Variants in CERS5 observed in about 807,000 individuals in gnomAD.
The protein encoded by CERS5 is LAG1 homolog, ceramide synthase 5.
In CERS5, 37 loss-of-function variants were observed where a neutral mutation model predicts 58.9. The observed-to-expected ratio is 0.63, with a 90% CI of 0.48 to 0.83. CERS5 has a LOEUF of 0.83. Ranked by LOEUF, CERS5 falls within the 40% of genes least tolerant of loss-of-function variation. The probability of loss-of-function intolerance (pLI) is 0.00; values close to 1 mark genes in which losing one functional copy is unlikely to be tolerated. For synonymous variants in CERS5, 147 were observed against 177.8 expected (o/e 0.83, Z 1.38); for missense variants, 398 against 489.3 (o/e 0.81, Z 1.76).
At chr12:50,160,411 G>C (rs774359491) in intron 1 of CERS5, among the ~76,000 whole-genome samples, 2 of 151,864 alleles carry the variant, frequency 1.3e-5, no homozygotes, top group Non-Finnish European at 2.9e-5. Flanking sequence ...ACAGGCCAGC[G>C]AATGAGTCTG....
chr12:50,134,140 G>A (rs1348727740), intron 9 of CERS5: 1 of 221,708 alleles, frequency 4.5e-6, no homozygotes, highest in African/African-American at 2.4e-5. Context: ...CATCGCTTTG[G>A]GAAGCCGTGG....
chr12:50,153,919 A>G (rs1938278086), intron 1 of CERS5: 1 of 376,568 alleles, frequency 2.7e-6, no homozygotes, highest in Non-Finnish European at 5.4e-6. Flanking sequence ...GCACCATTGG[A>G]CTCCAGCCTG....
chr12:50,140,535 T>G (rs931246854), intron 4 of CERS5, among the ~76,000 whole-genome samples: 4 of 152,154 alleles, frequency 2.6e-5, no homozygotes, highest in African/African-American at 9.7e-5. Context: ...CCTGCCTGCC[T>G]CAGCCTCCCA....
chr12:50,159,675 C>T (rs1246267952), intron 1 of CERS5, among the ~76,000 whole-genome samples: 9 of 152,040 alleles, frequency 5.9e-5, no homozygotes, highest in Admixed American at 2.6e-4. Flanking sequence ...CTCGCTGCAA[C>T]CTCCACCTCA....
At chr12:50,147,008 G>T (rs1316026564) in intron 1 of CERS5, among the ~76,000 whole-genome samples, 1 of 152,158 alleles carries the variant, frequency 6.6e-6, no homozygotes, top group Non-Finnish European at 1.5e-5. Context: ...CACAGTTAAT[G>T]AATTACCTTA....
intron 8 of CERS5, chr12:50,135,306 G>GT (rs1951621674): frequency 2.0e-5 from 4 of 204,922 alleles, no homozygotes; most frequent in Non-Finnish European, 3.6e-5. Flanking sequence ...GAGAGAGAGA[G>GT]GAGTGTGTGT....
chr12:50,148,969 T>TGTGC (rs1278516191), intron 1 of CERS5, among the ~76,000 whole-genome samples: 1,715 of 140,062 alleles, frequency 0.012, 50 homozygotes, highest in African/African-American at 0.044. Context: ...TGTGTGTGTG[T>TGTGC]GCGTGTAGAC....
chr12:50,143,530 T>A, intron 2 of CERS5: 1 of 280,622 alleles, frequency 3.6e-6, no homozygotes, highest in Non-Finnish European at 6.7e-6. Flanking sequence ...AAGGATGGCT[T>A]GAGCCCAGGA....
chr12:50,159,696 C>T lies in CERS5; in HGVS notation c.197+7405G>A, dbSNP rs1219410057. 3.3e-5 allele frequency among the ~76,000 whole-genome samples: 5 copies of T among 151,934 alleles called. No homozygotes were observed. In the East Asian group the frequency reaches 5.9e-4, roughly 18 times the overall value. ...GCAACCTCCACCTCACAGGTTCAAG[C>T]GATTCTCCTGCCTCAGCCTCCTGAG... On this transcript the variant is annotated intron_variant, in intron 1 of 9. Coordinates refer to ENST00000317551, the MANE Select transcript of CERS5 (RefSeq NM_147190.5).
chr12:50,162,542 GAAA>G (rs1384969245), intron 1 of CERS5, among the ~76,000 whole-genome samples: 6 of 150,622 alleles, frequency 4.0e-5, no homozygotes, highest in Non-Finnish European at 8.9e-5. Flanking sequence ...TCTGGGCTCT[GAAA>G]AAAAGAGAAA....
chr12:50,145,338 G>C (rs962769061), intron 1 of CERS5, among the ~76,000 whole-genome samples: 8 of 151,950 alleles, frequency 5.3e-5, no homozygotes, highest in Admixed American at 1.3e-4. Context: ...CCCGTAATCA[G>C]AGATTTTTAA....
intron 3 of CERS5, among the ~76,000 whole-genome samples, chr12:50,142,863 G>A (rs563271523): frequency 1.3e-5 from 2 of 152,246 alleles, no homozygotes; most frequent in Non-Finnish European, 2.9e-5. Context: ...GAACAAAATA[G>A]AACCACACCT....
At chr12:50,141,274 A>G (rs1465722480) in intron 4 of CERS5, among the ~76,000 whole-genome samples, 1 of 151,850 alleles carries the variant, frequency 6.6e-6, no homozygotes, top group African/African-American at 2.4e-5. Context: ...TTGGTCTTGA[A>G]CTCCTGGGTT....
intron 4 of CERS5, among the ~76,000 whole-genome samples, chr12:50,139,444 C>G (rs1951849393): frequency 6.6e-6 from 1 of 152,026 alleles, no homozygotes; most frequent in Non-Finnish European, 1.5e-5. Flanking sequence ...GATCACGCAA[C>G]TGCACTTCAG....
chr12:50,139,107 A>G (rs1232960381), intron 4 of CERS5, among the ~76,000 whole-genome samples: 1 of 152,124 alleles, frequency 6.6e-6, no homozygotes, highest in Non-Finnish European at 1.5e-5. Context: ...TTCCATATTG[A>G]TAATTCATAT....
At chr12:50,153,814 C>T (rs575521758) in intron 1 of CERS5, 19 of 363,508 alleles carry the variant, frequency 5.2e-5, no homozygotes, top group Non-Finnish European at 7.6e-5. Flanking sequence ...ATTAACTGGG[C>T]GTGATGGCGC....
At chr12:50,144,794 A>G (rs911146674) in intron 1 of CERS5, 1 of 1,528,406 alleles carries the variant, frequency 6.5e-7, no homozygotes, top group African/African-American at 1.4e-5. Context: ...TTCATCATCT[A>G]AAAGAAGAGG....
intron 2 of CERS5, 72 bp from the exon 3 acceptor site, chr12:50,143,276 G>A: frequency 6.4e-7 from 1 of 1,569,534 alleles, no homozygotes; most frequent in Non-Finnish European, 8.7e-7. Context: ...GACTAGCTGA[G>A]CGACAAGGTA....
chr12:50,160,040 C>T (rs1217980945), intron 1 of CERS5, among the ~76,000 whole-genome samples: 3 of 151,908 alleles, frequency 2.0e-5, no homozygotes, highest in Non-Finnish European at 4.4e-5. Flanking sequence ...TGTGGTGGCT[C>T]ACACCTGTAA....
Sources: gnomAD v4.1 joint callset for allele counts (sites outside exome capture counted in the v4.1 genomes callset) on GRCh38, gnomAD v4.1.1 for gene constraint, MANE v1.5 for transcripts, NCBI Gene and HGNC (gene_info 2026-07-23, HGNC 2026-07-21) for gene names.